Variants in PCDHA8 observed in about 807,000 individuals in gnomAD.
PCDHA8 encodes protocadherin alpha 8.
PCDHA8 carries 53 observed loss-of-function variants against 61.8 expected under a neutral mutation model. That is an observed-to-expected ratio of 0.86 (90% confidence interval 0.69 to 1.08). PCDHA8 has a LOEUF of 1.08. Among genes scored for constraint, PCDHA8 ranks in the 50% least tolerant of loss-of-function variants. The pLI, the probability that PCDHA8 is intolerant of heterozygous loss-of-function variation, is 0.00. For synonymous variants in PCDHA8, 618 were observed against 556.6 expected (o/e 1.11, Z -1.55); for missense variants, 1,293 against 1,245.0 (o/e 1.04, Z -0.58).
intron 1 of PCDHA8, chr5:140,868,381 A>C (rs1554161945): frequency 2.0e-5 from 3 of 152,316 alleles, no homozygotes; most frequent in Non-Finnish European, 4.4e-5. Flanking sequence ...GTAAAGAATG[A>C]GAACTATAGA....
chr5:140,999,628 G>C (rs1169273057), intron 3 of PCDHA8, among the ~76,000 whole-genome samples: 2 of 152,182 alleles, frequency 1.3e-5, no homozygotes, highest in Admixed American at 1.3e-4. Context: ...AGGAAACAAG[G>C]TAGAGAAAAC....
At chr5:140,963,120 A>G (rs1210822785) in intron 1 of PCDHA8, among the ~76,000 whole-genome samples, 1 of 152,174 alleles carries the variant, frequency 6.6e-6, no homozygotes, top group African/African-American at 2.4e-5. Context: ...ATAATTAAAG[A>G]GATAATATTA....
intron 3 of PCDHA8, among the ~76,000 whole-genome samples, chr5:141,001,849 T>G (rs889682000): frequency 6.6e-6 from 1 of 151,820 alleles, no homozygotes; most frequent in Non-Finnish European, 1.5e-5. Context: ...GAGAGAGAGG[T>G]TGATTAAATT....
At chr5:140,998,903 G>C (rs1465203456) in intron 3 of PCDHA8, among the ~76,000 whole-genome samples, 1 of 152,156 alleles carries the variant, frequency 6.6e-6, no homozygotes, top group East Asian at 1.9e-4. Context: ...CAATGCCTCC[G>C]GGAGGTAGCT....
At chr5:140,944,077 G>A (rs913476675) in intron 1 of PCDHA8, among the ~76,000 whole-genome samples, 1 of 152,204 alleles carries the variant, frequency 6.6e-6, no homozygotes, top group Non-Finnish European at 1.5e-5. Context: ...TAAAGATAAA[G>A]GAGGCCTGAG....
intron 1 of PCDHA8, among the ~76,000 whole-genome samples, chr5:140,925,210 C>T (rs1319343041): frequency 2.0e-5 from 3 of 152,122 alleles, no homozygotes; most frequent in African/African-American, 7.2e-5. Context: ...ATTATCGATA[C>T]TTTTAGGCAG....
intron 3 of PCDHA8, among the ~76,000 whole-genome samples, chr5:141,000,399 A>ATT (rs2097917152): frequency 1.5e-5 from 1 of 66,842 alleles, no homozygotes; most frequent in Non-Finnish European, 2.7e-5. Context: ...CTCTCTCTAT[A>ATT]TATATATATA....
Position 140,877,109 on chromosome 5 carries a change from G to A in PCDHA8, c.2394+33394G>A, listed in dbSNP as rs370191624. ...CGCGACGCCGGCGTGCCGCCTCTGG[G>A]CAGCAACGTGACGCTGCAGGTGTTC... is the stretch of plus-strand genomic sequence containing the variant. On this transcript the variant is annotated intron_variant, in intron 1 of 3. Transcript: ENST00000531613. The A allele has an allele frequency of 9.3e-6, 15 of 1,613,472 alleles. No individual in the cohort carries two copies. In the African/African-American group the frequency reaches 1.9e-4, roughly 20 times the overall value.
chr5:140,848,405 C>T, intron 1 of PCDHA8: 2 of 1,329,956 alleles, frequency 1.5e-6, no homozygotes, highest in Non-Finnish European at 2.1e-6. Flanking sequence ...TGAACGATGG[C>T]GAACACAGCA....
chr5:140,977,701 G>A (rs1299788207), intron 1 of PCDHA8, among the ~76,000 whole-genome samples: 2 of 152,146 alleles, frequency 1.3e-5, no homozygotes, highest in African/African-American at 4.8e-5. Context: ...AAATCTGTCT[G>A]AATATTGAGA....
At chr5:140,923,266 T>C (rs184590818) in intron 1 of PCDHA8, among the ~76,000 whole-genome samples, 1 of 152,284 alleles carries the variant, frequency 6.6e-6, no homozygotes, top group African/African-American at 2.4e-5. Context: ...TAGTGAGACC[T>C]TGTCTCTACA....
chr5:140,870,722 G>A (rs1554164638), intron 1 of PCDHA8: 2 of 1,613,222 alleles, frequency 1.2e-6, no homozygotes, highest in East Asian at 2.2e-5. Context: ...CGCGATGCGG[G>A]CGTGCCGCCT....
At chr5:140,856,865 A>G in intron 1 of PCDHA8, 2 of 1,595,810 alleles carry the variant, frequency 1.3e-6, no homozygotes, top group African/African-American at 1.3e-5. Context: ...TGAAGGAATA[A>G]ACAAGGAAAT....
At chr5:140,879,237 G>C (rs999977997) in intron 1 of PCDHA8, among the ~76,000 whole-genome samples, 14 of 152,134 alleles carry the variant, frequency 9.2e-5, no homozygotes, top group African/African-American at 3.4e-4. Context: ...TATACAAGAG[G>C]CACTGGCAAA....
chr5:140,918,006 TG>T (rs1358735901), intron 1 of PCDHA8, among the ~76,000 whole-genome samples: 6 of 152,208 alleles, frequency 3.9e-5, no homozygotes, highest in Non-Finnish European at 7.3e-5. Flanking sequence ...TTAACAATGT[TG>T]TTTCTTCCTA....
intron 1 of PCDHA8, among the ~76,000 whole-genome samples, chr5:140,874,903 C>T (rs543752012): frequency 1.3e-5 from 2 of 152,172 alleles, no homozygotes; most frequent in South Asian, 4.1e-4. Context: ...TAAAATCTTA[C>T]GATGGAGTGC....
intron 1 of PCDHA8, chr5:140,850,066 A>G (rs1554143711): frequency 6.3e-7 from 1 of 1,596,292 alleles, no homozygotes; most frequent in African/African-American, 1.3e-5. Flanking sequence ...CAGCCGTTGG[A>G]CCACGAGGAG....
chr5:140,866,152 G>A (rs955753225), intron 1 of PCDHA8: 31 of 152,098 alleles, frequency 2.0e-4, no homozygotes, highest in African/African-American at 7.5e-4. Flanking sequence ...AGTGATATAA[G>A]TAAGAATCGT....
At chr5:140,883,615 C>A in intron 1 of PCDHA8, 2 of 1,613,938 alleles carry the variant, frequency 1.2e-6, no homozygotes, top group East Asian at 2.2e-5. Flanking sequence ...CCGACGTGAA[C>A]GACAACGCGC....
Sources: gnomAD v4.1 joint callset for allele counts (sites outside exome capture counted in the v4.1 genomes callset) on GRCh38, gnomAD v4.1.1 for gene constraint, MANE v1.5 for transcripts, NCBI Gene and HGNC (gene_info 2026-07-23, HGNC 2026-07-21) for gene names.